SPAG9: variants seen among roughly 807,000 people sequenced by gnomAD.
The protein encoded by SPAG9 is sperm associated antigen 9, also known as C-Jun-amino-terminal kinase-interacting protein 4.
A neutral mutation model predicts 166.5 loss-of-function variants in SPAG9; 35 were observed. The observed-to-expected ratio is 0.21, with a 90% CI of 0.16 to 0.28. SPAG9 has a LOEUF of 0.28. Among genes scored for constraint, SPAG9 ranks in the 10% least tolerant of loss-of-function variants. The probability of loss-of-function intolerance (pLI) is 1.00; values close to 1 mark genes in which losing one functional copy is unlikely to be tolerated. For missense variants in SPAG9, 1,235 were observed against 1,603.3 expected (o/e 0.77, Z 3.92); for synonymous variants, 534 against 565.5 (o/e 0.94, Z 0.79).
chr17:50,992,746 T>C (rs1975697102), intron 19 of SPAG9, among the ~76,000 whole-genome samples: 1 of 152,104 alleles, frequency 6.6e-6, no homozygotes, highest in Non-Finnish European at 1.5e-5. Flanking sequence ...CTCATGCCTG[T>C]AATCCCAGTA....
intron 10 of SPAG9, among the ~76,000 whole-genome samples, 155 bp downstream of exon 10, chr17:51,007,114 T>TGG (rs878925103): frequency 6.8e-6 from 1 of 146,798 alleles, no homozygotes; most frequent in Non-Finnish European, 1.5e-5. Context: ...CATTAGGGTG[T>TGG]GTGTGTGTGT....
At chr17:51,034,197 A>T (rs1307411473) in intron 5 of SPAG9, among the ~76,000 whole-genome samples, 1 of 152,258 alleles carries the variant, frequency 6.6e-6, no homozygotes, top group Non-Finnish European at 1.5e-5. Flanking sequence ...ATTACAACAC[A>T]TAATCCATTT....
intron 19 of SPAG9, among the ~76,000 whole-genome samples, chr17:50,992,483 C>A (rs1229615899): frequency 6.6e-6 from 1 of 152,158 alleles, no homozygotes; most frequent in African/African-American, 2.4e-5. Context: ...CCAGCCTGGG[C>A]AACATGGTGA....
In SPAG9 at chr17:51,120,303, G is replaced by A; in HGVS notation, c.303+51C>T. The A allele has an allele frequency of 3.1e-6, 4 of 1,276,540 alleles. No homozygotes were observed. Among genetic ancestry groups the A allele is most frequent in the Non-Finnish European group, 4.2e-6 (4 of 956,500 alleles). The allele number at this position is 1,276,540 out of a possible 1,614,324, so 79.1% of individuals were successfully genotyped here. On this transcript the variant is annotated intron_variant, in intron 1 of 29. Coordinates refer to ENST00000262013, the MANE Select transcript of SPAG9 (RefSeq NM_001130528.3). This position sits in a 1 kb window ranked among gnomAD's most constrained non-coding sequence, Gnocchi z 4.7. ...CCCGACCGGGCCGCGACCCCGCCCCGGCCGCCCCCGGAGACGGATCCCGCG... is the reference window on the plus strand; with the variant it reads ...CCCGACCGGGCCGCGACCCCGCCCCAGCCGCCCCCGGAGACGGATCCCGCG...
intron 28 of SPAG9, 59 bp from the exon 29 acceptor site, chr17:50,970,915 T>C: frequency 7.1e-7 from 1 of 1,412,840 alleles, no homozygotes; most frequent in Non-Finnish European, 9.7e-7. Flanking sequence ...GCTGTTTTGT[T>C]TTTTTTTTTT....
intron 4 of SPAG9, among the ~76,000 whole-genome samples, chr17:51,045,502 G>A (rs1318667503): frequency 6.6e-6 from 1 of 151,916 alleles, no homozygotes; most frequent in Non-Finnish European, 1.5e-5. Context: ...TATTAAACTT[G>A]AACTGACCTA....
At chr17:51,067,667 T>C (rs908517550) in intron 2 of SPAG9, among the ~76,000 whole-genome samples, 4 of 150,046 alleles carry the variant, frequency 2.7e-5, no homozygotes, top group Non-Finnish European at 4.4e-5. Context: ...AAACAACTGA[T>C]AAGTAACTGC....
chr17:51,050,513 C>G (rs924723540), intron 3 of SPAG9, among the ~76,000 whole-genome samples: 2 of 152,330 alleles, frequency 1.3e-5, no homozygotes, highest in African/African-American at 4.8e-5. Context: ...AATTACAGGA[C>G]TCAGGCCGCC....
At chr17:51,004,153 T>C (rs923777267) in intron 12 of SPAG9, among the ~76,000 whole-genome samples, 6 of 152,208 alleles carry the variant, frequency 3.9e-5, no homozygotes, top group Non-Finnish European at 5.9e-5. Flanking sequence ...TGTGATATGA[T>C]AAAATTTTTT....
chr17:51,039,969 T>A (rs1161358395), intron 5 of SPAG9, among the ~76,000 whole-genome samples: 1 of 152,130 alleles, frequency 6.6e-6, no homozygotes, highest in Non-Finnish European at 1.5e-5. Flanking sequence ...GCGCAGTGGC[T>A]CACGCCTGTA....
chr17:51,042,303 A>G (rs1014318525), intron 4 of SPAG9, among the ~76,000 whole-genome samples: 4 of 152,330 alleles, frequency 2.6e-5, no homozygotes, highest in Non-Finnish European at 4.4e-5. Context: ...AAATAATTCT[A>G]TAAAAGATTA....
chr17:51,046,938 T>C lies in SPAG9; in HGVS notation c.590+437A>G, dbSNP rs2047042758. On this transcript the variant is annotated intron_variant, in intron 4 of 29. Coordinates refer to ENST00000262013, the MANE Select transcript of SPAG9 (RefSeq NM_001130528.3). ...TTTCCCCTCCACTAAGAGTCCTGGC[T>C]TAGCTCATTGGCTACAATGCCTGAA... The C allele has an allele frequency of 2.7e-6, 4 of 1,462,180 alleles. No individual in the cohort carries two copies. The East Asian group carries it at 1.1e-4, about 41-fold the overall frequency. The allele number at this position is 1,462,180 out of a possible 1,614,324, so 90.6% of individuals were successfully genotyped here. A position where few individuals can be genotyped will look rare whatever the true frequency, so the allele number is the denominator to read the frequency against.
At chr17:51,045,537 G>A (rs1198819941) in intron 4 of SPAG9, among the ~76,000 whole-genome samples, 1 of 151,922 alleles carries the variant, frequency 6.6e-6, no homozygotes, top group East Asian at 1.9e-4. Flanking sequence ...CACATTAAGG[G>A]AAGTTACTAC....
In SPAG9 at chr17:51,005,234, T is replaced by C. The variant is rs1160337431; in HGVS notation, c.1454A>G (p.Gln485Arg). Residue 485 changes from glutamine (Q) to arginine (R), a missense_variant, in exon 12 of 30, where the codon CAA (glutamine) becomes CGA (arginine). Physicochemically the swap from Gln to Arg is conservative, Grantham distance 43 (BLOSUM62 1). This residue lies in a region of SPAG9 where 125 missense variants were observed against 194.0 expected (regional missense o/e 0.64). Transcript: ENST00000262013. ...KARAEAEDAR[Q>R]KAKDDDDSDI... ...TACATCATCGTCATCTTTTGCTTTT[T>C]GCCTTGCATCTTCAGCTTCTGCCCG... 3 of 1,614,022 alleles carry C rather than the reference T, an allele frequency of 1.9e-6. 1 individual carries two copies. The highest frequency in any genetic ancestry group is 2.2e-5 in the South Asian group (2 of 91,090).
intron 28 of SPAG9, among the ~76,000 whole-genome samples, chr17:50,972,941 A>G (rs961437707): frequency 1.3e-5 from 2 of 152,228 alleles, no homozygotes; most frequent in African/African-American, 2.4e-5. Flanking sequence ...TTTATACCCA[A>G]CAAAAAATCC....
At chr17:51,019,075 C>T (rs946471299) in intron 8 of SPAG9, among the ~76,000 whole-genome samples, 4 of 152,112 alleles carry the variant, frequency 2.6e-5, no homozygotes, top group Non-Finnish European at 5.9e-5. Context: ...AATAATGAGG[C>T]TTTATCCAGT....
intron 4 of SPAG9, chr17:51,046,802 C>T (rs745496216): frequency 5.3e-5 from 81 of 1,533,786 alleles, no homozygotes; most frequent in Non-Finnish European, 7.0e-5. Context: ...CTCCATCCTG[C>T]AGCAGCTCCC....
At chr17:51,103,848 A>C (rs1422246336) in intron 1 of SPAG9, among the ~76,000 whole-genome samples, 1 of 152,212 alleles carries the variant, frequency 6.6e-6, no homozygotes, top group Non-Finnish European at 1.5e-5. Context: ...TCAGTTGTCC[A>C]TTCATCTATT....
chr17:50,992,225 CTA>C (rs966045776), intron 19 of SPAG9, among the ~76,000 whole-genome samples: 5 of 151,958 alleles, frequency 3.3e-5, no homozygotes, highest in African/African-American at 9.7e-5. Context: ...CACAGAAACT[CTA>C]TGTTTTTATG....
Sources: allele counts gnomAD v4.1 joint callset (sites outside exome capture counted in the v4.1 genomes callset), GRCh38; gene constraint gnomAD v4.1.1; regional missense constraint gnomAD v4.1.1; non-coding constraint Gnocchi (gnomAD v3.1); transcripts MANE v1.5; gene names NCBI Gene and HGNC (gene_info 2026-07-23, HGNC 2026-07-21).